COL21A1: variants seen among roughly 807,000 people sequenced by gnomAD.
COL21A1 encodes collagen alpha-1(XXI) chain.
A neutral mutation model predicts 137.9 loss-of-function variants in COL21A1; 149 were observed. That is an observed-to-expected ratio of 1.08 (90% CI 0.95 to 1.24). The LOEUF is 1.24. Among genes scored for constraint, COL21A1 ranks in the 50% most tolerant of loss-of-function variants. COL21A1 has a pLI of 0.00. For missense variants in COL21A1, 1,167 were observed against 1,158.4 expected, an observed-to-expected ratio of 1.01 and a Z score of -0.11; for synonymous variants, 456 against 391.5, an observed-to-expected ratio of 1.16 and a Z score of -1.95.
chr6:56,221,990 T>A (rs1172051439), intron 1 of COL21A1, among the ~76,000 whole-genome samples: 2 of 152,064 alleles, frequency 1.3e-5, no homozygotes, highest in Non-Finnish European at 2.9e-5. Context: ...TTGAAAGTGT[T>A]GGCCAGGCAT....
chr6:56,247,482 A>G lies in COL21A1; in HGVS notation c.-134T>C, dbSNP rs958385728. ...TCCAGGCAGTGGCAAGCCCAACCCGAGCAAGACCTGCGCTGAAACGGATTG... is the reference window on the plus strand; with the variant it reads ...TCCAGGCAGTGGCAAGCCCAACCCGGGCAAGACCTGCGCTGAAACGGATTG... On this transcript the variant is annotated 5_prime_UTR_variant, in exon 1 of 30. Coordinates refer to ENST00000244728, the MANE Select transcript of COL21A1 (RefSeq NM_030820.4). The G allele has an allele frequency of 1.3e-5, 2 of 152,390 alleles. No individual in the cohort carries two copies. Among genetic ancestry groups the G allele is most frequent in the African/African-American group, 4.8e-5 (2 of 41,458 alleles). 9.4% of individuals were successfully genotyped at this position (152,390 alleles called of 1,614,324 possible).
chr6:56,232,723 A>C (rs774411913), intron 1 of COL21A1, among the ~76,000 whole-genome samples: 46 of 151,936 alleles, frequency 3.0e-4, no homozygotes, highest in Non-Finnish European at 4.6e-4. Flanking sequence ...ATTTTACTAC[A>C]TCATCCAAAT....
intron 1 of COL21A1, among the ~76,000 whole-genome samples, chr6:56,301,341 A>G (rs1465451313): frequency 6.6e-6 from 1 of 152,156 alleles, no homozygotes; most frequent in Non-Finnish European, 1.5e-5. Flanking sequence ...AAGACACCAC[A>G]AGCCAAGGAA....
At chr6:56,180,205 T>C in intron 2 of COL21A1, 76 bp from the exon 3 acceptor site, 1 of 1,119,870 alleles carries the variant, frequency 8.9e-7, no homozygotes, top group East Asian at 2.5e-5. Context: ...AATATATGAG[T>C]TTCAGCTATA....
intron 1 of COL21A1, among the ~76,000 whole-genome samples, chr6:56,361,765 CGTGT>C (rs112413857): frequency 2.0e-5 from 3 of 151,186 alleles, no homozygotes; most frequent in Non-Finnish European, 1.5e-5. Flanking sequence ...TGTGCGTGTG[CGTGT>C]GTGTGTGTGG....
chr6:56,257,572 G>A (rs960085718), intron 1 of COL21A1, among the ~76,000 whole-genome samples: 6 of 152,030 alleles, frequency 3.9e-5, no homozygotes, highest in African/African-American at 1.4e-4. Context: ...GTTAAATCAG[G>A]GGTTAGCAAA....
upstream of COL21A1, among the ~76,000 whole-genome samples, chr6:56,250,149 T>A (rs1234473828): frequency 6.6e-6 from 1 of 152,212 alleles, no homozygotes; most frequent in Non-Finnish European, 1.5e-5. Context: ...CATACATACT[T>A]AGGGAAATAT....
chr6:56,105,373 T>C (rs1429807560), intron 16 of COL21A1, among the ~76,000 whole-genome samples: 1 of 152,158 alleles, frequency 6.6e-6, no homozygotes, highest in African/African-American at 2.4e-5. Context: ...AAAGTTGAGG[T>C]TTTAACAATC....
At chr6:56,162,881 G>A (rs999207174) in intron 9 of COL21A1, among the ~76,000 whole-genome samples, 2 of 151,978 alleles carry the variant, frequency 1.3e-5, no homozygotes, top group Non-Finnish European at 2.9e-5. Context: ...AATAATAGAC[G>A]GTTACTTTAA....
intron 1 of COL21A1, among the ~76,000 whole-genome samples, chr6:56,263,411 G>A (rs1212026070): frequency 6.6e-6 from 1 of 152,144 alleles, no homozygotes; most frequent in Non-Finnish European, 1.5e-5. Context: ...TTTTACTATG[G>A]GGAGTATTGA....
chr6:56,131,655 G>C (rs1399240204), intron 12 of COL21A1, among the ~76,000 whole-genome samples: 8 of 152,058 alleles, frequency 5.3e-5, no homozygotes, highest in Non-Finnish European at 1.0e-4. Flanking sequence ...GTGGATGCCT[G>C]ATTAATTTAG....
intron 23 of COL21A1, among the ~76,000 whole-genome samples, chr6:56,065,444 T>C (rs553498449): frequency 5.3e-5 from 8 of 151,978 alleles, no homozygotes; most frequent in Non-Finnish European, 1.0e-4. Context: ...ACTCACTGTG[T>C]GGTAAGAGAG....
At chr6:56,197,362 A>G (rs968230251) in intron 1 of COL21A1, among the ~76,000 whole-genome samples, 1 of 152,164 alleles carries the variant, frequency 6.6e-6, no homozygotes, top group Admixed American at 6.6e-5. Flanking sequence ...AACAAGTGGG[A>G]CTACATCAAA....
chr6:56,325,930 ATAATATATATTATATATTAT>A (rs1765068641), intron 1 of COL21A1, among the ~76,000 whole-genome samples: 1 of 44,662 alleles, frequency 2.2e-5, no homozygotes, highest in East Asian at 6.4e-4. Context: ...TATAATATAT[ATAATATATATTATATATTAT>A]ATAATATATA....
upstream of COL21A1, among the ~76,000 whole-genome samples, chr6:56,251,258 T>C (rs1782846062): frequency 6.6e-6 from 1 of 152,190 alleles, no homozygotes; most frequent in Non-Finnish European, 1.5e-5. Flanking sequence ...CCTAAATGAC[T>C]ACTATATTAT....
At chr6:56,096,277 A>G (rs1175946636) in intron 17 of COL21A1, among the ~76,000 whole-genome samples, 1 of 152,070 alleles carries the variant, frequency 6.6e-6, no homozygotes, top group Non-Finnish European at 1.5e-5. Flanking sequence ...CTGTGTTGCC[A>G]TCTATTGGCT....
At chr6:56,278,057 T>G (rs769558635) in intron 1 of COL21A1, among the ~76,000 whole-genome samples, 28 of 152,242 alleles carry the variant, frequency 1.8e-4, no homozygotes, top group Non-Finnish European at 3.7e-4. Context: ...ATCTGGTCTT[T>G]ATTTCAAAAC....
At chr6:56,249,955 T>C (rs1311126641), upstream of COL21A1, among the ~76,000 whole-genome samples, 1 of 152,224 alleles carries the variant, frequency 6.6e-6, no homozygotes, top group African/African-American at 2.4e-5. Context: ...TCAATAAAGA[T>C]GTTATTAAAA....
At chr6:56,085,076 G>A (rs910358739) in intron 17 of COL21A1, among the ~76,000 whole-genome samples, 1 of 151,984 alleles carries the variant, frequency 6.6e-6, no homozygotes, top group Admixed American at 6.6e-5. Context: ...GGCAAAATCA[G>A]CTTTCCCAGG....
Sources: allele counts gnomAD v4.1 joint callset (sites outside exome capture counted in the v4.1 genomes callset), GRCh38; gene constraint gnomAD v4.1.1; transcripts MANE v1.5; gene names NCBI Gene and HGNC (gene_info 2026-07-23, HGNC 2026-07-21).